Variants in AFAP1 observed in about 807,000 individuals in gnomAD.
The protein encoded by AFAP1 is actin filament-associated protein 1.
A neutral mutation model predicts 93.9 loss-of-function variants in AFAP1; 75 were observed. That is an observed-to-expected ratio of 0.80 (90% CI 0.66 to 0.97). The LOEUF (loss-of-function observed/expected upper bound fraction) is 0.97. AFAP1 is among the 50% of genes least tolerant of loss of function. The pLI, the probability that AFAP1 is intolerant of heterozygous loss-of-function variation, is 0.00. For missense variants in AFAP1, 1,201 were observed against 1,050.8 expected (o/e 1.14, Z -1.98); for synonymous variants, 517 against 430.7 (o/e 1.20, Z -2.48).
intron 1 of AFAP1, among the ~76,000 whole-genome samples, chr4:7,877,067 C>T (rs1055092077): frequency 6.6e-6 from 1 of 152,196 alleles, no homozygotes; most frequent in African/African-American, 2.4e-5. Flanking sequence ...AGCAGCTGTA[C>T]TGATGACTGG....
Position 7,865,889 on chromosome 4 carries a change from CTTGTT to C in AFAP1, c.225+2728_225+2732del, listed in dbSNP as rs796149328. On this transcript the variant is annotated intron_variant, in intron 3 of 17. Transcript: ENST00000420658. ...TTTTGTTTTGGTTTGGTTCTGTGGT[CTTGTT>C]TTGTTTTGTTTTATTTTTTGAGACG... Among the ~76,000 whole-genome samples, 254 of 152,258 alleles carry C rather than the reference CTTGTT, an allele frequency of 1.7e-3. 1 individual carries two copies. Among genetic ancestry groups the C allele is most frequent in the Middle Eastern group, 3.4e-3 (1 of 294 alleles).
At chr4:7,849,271 T>C (rs1266941655) in intron 4 of AFAP1, among the ~76,000 whole-genome samples, 4 of 152,118 alleles carry the variant, frequency 2.6e-5, no homozygotes, top group Admixed American at 2.6e-4. Flanking sequence ...ACGGCTCCTC[T>C]AGGGCAGGAG....
rs527505039 is a variant in AFAP1 at position 7,876,489 on chromosome 4, G to C, written c.-2-4409C>G. Among the ~76,000 whole-genome samples, 12 of 152,308 alleles carry C rather than the reference G, an allele frequency of 7.9e-5. No homozygotes were observed. The East Asian group carries it at 2.1e-3, about 27-fold the overall frequency. On this transcript the variant is annotated intron_variant, in intron 1 of 17. Coordinates refer to ENST00000420658, the MANE Select transcript of AFAP1 (RefSeq NM_001134647.2). ...GATGGTCTCTTGAACTGAAAATATA[G>C]AAATGCAGCAACCAGGGCAAGTGCA...
chr4:7,782,034 A>T (rs1009370226), intron 12 of AFAP1, among the ~76,000 whole-genome samples: 6 of 152,204 alleles, frequency 3.9e-5, no homozygotes, highest in Non-Finnish European at 7.3e-5. Context: ...GCGTGGATGG[A>T]AGGGGAGGAA....
intron 1 of AFAP1, among the ~76,000 whole-genome samples, chr4:7,872,720 G>A (rs898143808): frequency 6.6e-6 from 1 of 152,058 alleles, no homozygotes; most frequent in Non-Finnish European, 1.5e-5. Context: ...TAGCCTCTGG[G>A]GATGTGAACT....
At chr4:7,870,844 G>A (rs540775295) in intron 2 of AFAP1, among the ~76,000 whole-genome samples, 1 of 152,156 alleles carries the variant, frequency 6.6e-6, no homozygotes, top group Admixed American at 6.5e-5. Context: ...AAATCTAATC[G>A]TGTCATACAT....
Position 7,855,791 on chromosome 4 carries a change from G to A in AFAP1, c.226-217C>T, listed in dbSNP as rs537636940. On this transcript the variant is annotated intron_variant, in intron 3 of 17. Transcript: ENST00000420658. ...CTTGCCCCAGCCCTGGCCACATGCC[G>A]TCCAGTTCACACCAAATCTCCAGGT... Among the ~76,000 whole-genome samples the A allele has an allele frequency of 1.2e-4, 19 of 152,252 alleles. No individual in the cohort carries two copies. The East Asian group carries it at 2.1e-3, about 17-fold the overall frequency.
At chr4:7,864,166 C>CCA (rs1257426017) in intron 3 of AFAP1, among the ~76,000 whole-genome samples, 47 of 152,016 alleles carry the variant, frequency 3.1e-4, no homozygotes, top group South Asian at 4.2e-4. Context: ...CATCACAACC[C>CCA]ACAGGTCCTT....
intron 10 of AFAP1, among the ~76,000 whole-genome samples, chr4:7,795,285 G>C (rs1718290670): frequency 6.6e-6 from 1 of 151,570 alleles, no homozygotes; most frequent in African/African-American, 2.4e-5. Context: ...ACCTTACAGA[G>C]AGTAAAAGAG....
intron 1 of AFAP1, among the ~76,000 whole-genome samples, chr4:7,883,207 A>AAGAG (rs1553851421): frequency 2.0e-5 from 3 of 150,360 alleles, no homozygotes; most frequent in Admixed American, 2.0e-4. Context: ...AAAAAAAAAA[A>AAGAG]GAGGAGGAGG....
intron 9 of AFAP1, among the ~76,000 whole-genome samples, chr4:7,805,347 A>G (rs796950918): frequency 6.6e-5 from 10 of 152,348 alleles, no homozygotes; most frequent in African/African-American, 2.4e-4. Flanking sequence ...ATGGCTACCC[A>G]GGCTCCATGA....
intron 3 of AFAP1, among the ~76,000 whole-genome samples, chr4:7,861,532 T>A (rs1472698272): frequency 6.6e-6 from 1 of 152,266 alleles, no homozygotes; most frequent in Non-Finnish European, 1.5e-5. Flanking sequence ...GAGTAAACAC[T>A]GGGAAGATTG....
chr4:7,837,921 G>A (rs1712507012), intron 6 of AFAP1, among the ~76,000 whole-genome samples: 1 of 152,156 alleles, frequency 6.6e-6, no homozygotes, highest in South Asian at 2.1e-4. Context: ...GGCTGAGGTG[G>A]GAGGATCGAT....
At chr4:7,911,844 A>G (rs769625724) in intron 1 of AFAP1, among the ~76,000 whole-genome samples, 4 of 152,178 alleles carry the variant, frequency 2.6e-5, no homozygotes, top group Non-Finnish European at 5.9e-5. Flanking sequence ...GAAAGCTTAC[A>G]CTTATTTGGA....
chr4:7,818,199 C>A (rs1720652901), intron 7 of AFAP1, among the ~76,000 whole-genome samples: 1 of 152,172 alleles, frequency 6.6e-6, no homozygotes, highest in South Asian at 2.1e-4. Context: ...AGTGAAATCT[C>A]CCTAAATTCC....
chr4:7,783,360 G>C (rs775341780), intron 12 of AFAP1, among the ~76,000 whole-genome samples: 1 of 152,116 alleles, frequency 6.6e-6, no homozygotes, highest in South Asian at 2.1e-4. Context: ...GGCTGGTCTC[G>C]AACTCCTGGC....
chr4:7,840,281 T>TGTGTGTGTGTG (rs1403271238), intron 5 of AFAP1, among the ~76,000 whole-genome samples: 2 of 127,694 alleles, frequency 1.6e-5, no homozygotes, highest in East Asian at 4.2e-4. Context: ...TGTGTGTGTG[T>TGTGTGTGTGTG]GTGTGTTCCT....
At chr4:7,885,181 T>A (rs1213001699) in intron 1 of AFAP1, among the ~76,000 whole-genome samples, 2 of 152,234 alleles carry the variant, frequency 1.3e-5, no homozygotes. Context: ...GGATCCTGTA[T>A]AAAAATCTTA....
intron 6 of AFAP1, among the ~76,000 whole-genome samples, chr4:7,820,975 G>A (rs1224276834): frequency 2.0e-5 from 3 of 152,048 alleles, no homozygotes; most frequent in Admixed American, 6.5e-5. Flanking sequence ...AAAATTAGCC[G>A]GGTGTGGTGG....
Sources: allele counts gnomAD v4.1 joint callset (sites outside exome capture counted in the v4.1 genomes callset), GRCh38; gene constraint gnomAD v4.1.1; transcripts MANE v1.5; gene names NCBI Gene and HGNC (gene_info 2026-07-23, HGNC 2026-07-21).